The following TMCC1 variants were observed in gnomAD, a reference collection of about 807,000 sequenced individuals.
TMCC1 encodes transmembrane and coiled-coil domain family 1.
TMCC1 carries 15 observed loss-of-function variants against 52.4 expected under a neutral mutation model. The ratio of observed to expected loss-of-function variants is 0.29; its 90% confidence interval spans 0.19 to 0.44. The LOEUF is 0.44. TMCC1 is among the 20% of genes least tolerant of loss of function. The probability of loss-of-function intolerance (pLI) is 1.00; values close to 1 mark genes in which losing one functional copy is unlikely to be tolerated. For missense variants in TMCC1, 503 were observed against 806.0 expected, an observed-to-expected ratio of 0.62 and a Z score of 4.55; for synonymous variants, 279 against 301.9, an observed-to-expected ratio of 0.92 and a Z score of 0.79.
chr3:129,790,301 A>G (rs1267651378), intron 4 of TMCC1, among the ~76,000 whole-genome samples: 1 of 152,226 alleles, frequency 6.6e-6, no homozygotes, highest in African/African-American at 2.4e-5. Flanking sequence ...TCTGTATGGC[A>G]TTTATCTTTC....
intron 4 of TMCC1, among the ~76,000 whole-genome samples, chr3:129,672,529 G>C (rs2088042159): frequency 6.6e-6 from 1 of 152,040 alleles, no homozygotes; most frequent in South Asian, 2.1e-4. Context: ...GAGCCCAGTA[G>C]TTCCAGGCTG....
In TMCC1 at chr3:129,685,400, AT is replaced by A. The variant is rs200822638; in HGVS notation, c.577-14137del. Among the ~76,000 whole-genome samples, 318 of 151,326 alleles carry A rather than the reference AT, an allele frequency of 2.1e-3. 1 individual carries two copies. The highest frequency in any genetic ancestry group is 7.5e-3 in the African/African-American group (306 of 41,014). ...TCTCTAAAAGAAACTTAAAAATTAAATTTAAAAAAAAAAAAAAGATGAGAAG... is the reference window on the plus strand; with the variant it reads ...TCTCTAAAAGAAACTTAAAAATTAAATTAAAAAAAAAAAAAAGATGAGAAG... On this transcript the variant is annotated intron_variant, in intron 4 of 6. Transcript: ENST00000393238.
rs534320594 is a variant in TMCC1 at position 129,796,925 on chromosome 3, A to G, written c.576+30878T>C. 2.0e-5 allele frequency among the ~76,000 whole-genome samples: 3 copies of G among 152,368 alleles called. No individual in the cohort carries two copies. The East Asian group carries it at 5.8e-4, about 29-fold the overall frequency. On this transcript the variant is annotated intron_variant, in intron 4 of 6. Coordinates refer to ENST00000393238, the MANE Select transcript of TMCC1 (RefSeq NM_001017395.5). ...TCAGGTAAGAAACACAAAAAAATGA[A>G]TTTGAAAAGACAGGTTTCTATGCAA...
intron 2 of TMCC1, among the ~76,000 whole-genome samples, chr3:129,835,252 CTG>C (rs1295528178): frequency 1.3e-5 from 2 of 151,996 alleles, no homozygotes; most frequent in Admixed American, 6.6e-5. Flanking sequence ...CTATTCATGG[CTG>C]TGTTTTCATG....
chr3:129,771,301 CA>C (rs139095315), intron 4 of TMCC1, among the ~76,000 whole-genome samples: 14,005 of 152,156 alleles, frequency 0.092, 2,100 homozygotes, highest in African/African-American at 0.32. Context: ...AAACAATGAA[CA>C]ATTCAGTTTG....
chr3:129,734,549 G>C (rs759542528), intron 4 of TMCC1, among the ~76,000 whole-genome samples: 2 of 152,076 alleles, frequency 1.3e-5, no homozygotes, highest in Non-Finnish European at 2.9e-5. Flanking sequence ...AGCTGGGCTT[G>C]GTGCTGGTGC....
intron 2 of TMCC1, among the ~76,000 whole-genome samples, chr3:129,850,659 C>G (rs2059876991): frequency 6.6e-6 from 1 of 151,930 alleles, no homozygotes; most frequent in South Asian, 2.1e-4. Context: ...GAATTAAAGA[C>G]ACACACACAC....
At position 129,778,387 on chromosome 3, in the gene TMCC1, A is replaced by G. The variant is rs941664730; in HGVS notation, c.576+49416T>C. 2.0e-5 allele frequency among the ~76,000 whole-genome samples: 3 copies of G among 152,206 alleles called. 1 individual carries two copies. Among genetic ancestry groups the G allele is most frequent in the Admixed American group, 2.0e-4 (3 of 15,284 alleles). On this transcript the variant is annotated intron_variant, in intron 4 of 6. Coordinates refer to ENST00000393238, the MANE Select transcript of TMCC1 (RefSeq NM_001017395.5). The stretch of plus-strand genomic sequence containing the variant: ...CAGGAATTCTAGTTATTATTTTATC[A>G]CTATGCAATTTCACTGGTGCCTTTG...
intron 2 of TMCC1, among the ~76,000 whole-genome samples, chr3:129,835,987 A>G (rs566004266): frequency 1.3e-5 from 2 of 152,230 alleles, no homozygotes. Context: ...TTAAAAAAAA[A>G]TTAATCAAGA....
At chr3:129,741,487 C>A (rs2051452940) in intron 4 of TMCC1, among the ~76,000 whole-genome samples, 1 of 152,116 alleles carries the variant, frequency 6.6e-6, no homozygotes, top group African/African-American at 2.4e-5. Context: ...ATGATTTATT[C>A]AAGGTCACAC....
intron 2 of TMCC1, among the ~76,000 whole-genome samples, chr3:129,838,008 A>T (rs1369915059): frequency 6.6e-6 from 1 of 152,238 alleles, no homozygotes; most frequent in African/African-American, 2.4e-5. Flanking sequence ...AACATACAAC[A>T]GCTGTGGCAG....
chr3:129,694,004 T>C (rs1576471742), intron 4 of TMCC1, among the ~76,000 whole-genome samples: 1 of 152,190 alleles, frequency 6.6e-6, no homozygotes, highest in Admixed American at 6.5e-5. Flanking sequence ...TGACTTGATA[T>C]AGGGAGCCAA....
intron 4 of TMCC1, among the ~76,000 whole-genome samples, chr3:129,698,524 A>C (rs1312792468): frequency 6.6e-6 from 1 of 152,152 alleles, no homozygotes; most frequent in Non-Finnish European, 1.5e-5. Flanking sequence ...TCTCATTTGG[A>C]CTGATTTTAA....
chr3:129,833,794 A>T (rs904203462), intron 2 of TMCC1, among the ~76,000 whole-genome samples: 4 of 152,150 alleles, frequency 2.6e-5, no homozygotes, highest in Non-Finnish European at 5.9e-5. Context: ...TATTCATTAA[A>T]TTTTTTTAAA....
chr3:129,785,831 T>C (rs1351010312), intron 4 of TMCC1, among the ~76,000 whole-genome samples: 1 of 152,124 alleles, frequency 6.6e-6, no homozygotes, highest in Non-Finnish European at 1.5e-5. Flanking sequence ...AGACATTTAG[T>C]TTAGCAACCC....
At chr3:129,654,136 G>A (rs1284043498) in intron 6 of TMCC1, among the ~76,000 whole-genome samples, 1 of 152,068 alleles carries the variant, frequency 6.6e-6, no homozygotes. Flanking sequence ...CCCTAGCTAT[G>A]GTCAGATATC....
chr3:129,765,275 T>C (rs1370064024), intron 4 of TMCC1, among the ~76,000 whole-genome samples: 2 of 151,946 alleles, frequency 1.3e-5, no homozygotes, highest in Non-Finnish European at 2.9e-5. Context: ...ACAAATTTGG[T>C]AATAGTAGAG....
At chr3:129,791,254 C>T (rs9917809) in intron 4 of TMCC1, among the ~76,000 whole-genome samples, 35,375 of 151,814 alleles carry the variant, frequency 0.23, 6,621 homozygotes, top group East Asian at 0.57. Flanking sequence ...CCACCACGTC[C>T]GGCTAATTTT....
chr3:129,877,301 T>C (rs1913241), intron 2 of TMCC1, among the ~76,000 whole-genome samples: 3 of 152,208 alleles, frequency 2.0e-5, no homozygotes, highest in African/African-American at 2.4e-5. Flanking sequence ...TTTGACACAG[T>C]TGATCACTCC....
Sources: allele counts gnomAD v4.1 joint callset (sites outside exome capture counted in the v4.1 genomes callset), GRCh38; gene constraint gnomAD v4.1.1; transcripts MANE v1.5; gene names NCBI Gene and HGNC (gene_info 2026-07-23, HGNC 2026-07-21).